The following CLSTN2 variants were observed in gnomAD, a reference collection of about 807,000 sequenced individuals.
CLSTN2 encodes the protein calsyntenin 2, also known as calsyntenin-2.
Under a neutral mutation model 101.2 loss-of-function variants are expected in CLSTN2, and 48 were observed. The ratio of observed to expected loss-of-function variants is 0.47; its 90% CI spans 0.38 to 0.60. The LOEUF (loss-of-function observed/expected upper bound fraction) is 0.60, where lower values mean the gene tolerates loss of function less well. CLSTN2 is among the 20% of genes least tolerant of loss of function. The pLI is 0.00. For missense variants in CLSTN2, 1,160 were observed against 1,238.2 expected (o/e 0.94, Z 0.95); for synonymous variants, 481 against 463.6 (o/e 1.04, Z -0.48).
intron 1 of CLSTN2, among the ~76,000 whole-genome samples, chr3:140,163,447 C>CAT (rs2010084009): frequency 6.6e-6 from 1 of 151,852 alleles, no homozygotes; most frequent in Non-Finnish European, 1.5e-5. Context: ...CACACACACA[C>CAT]ACAGATGTAG....
intron 2 of CLSTN2, among the ~76,000 whole-genome samples, chr3:140,347,568 T>C (rs2087561704): frequency 6.6e-6 from 1 of 152,256 alleles, no homozygotes; most frequent in African/African-American, 2.4e-5. Flanking sequence ...AGATAAGGCC[T>C]CAGTGGATTA....
intron 2 of CLSTN2, among the ~76,000 whole-genome samples, chr3:140,317,819 C>A (rs1259435169): frequency 2.0e-5 from 3 of 152,194 alleles, no homozygotes; most frequent in African/African-American, 7.2e-5. Flanking sequence ...GTGCCTCCCC[C>A]AGTTTTGTAA....
At chr3:140,556,757 T>C in intron 11 of CLSTN2, 96 bp downstream of exon 11, 1 of 1,258,406 alleles carries the variant, frequency 7.9e-7, no homozygotes, top group Non-Finnish European at 1.1e-6. Context: ...AAAACAGGAG[T>C]TGCCTTTCGT....
At chr3:140,253,699 C>A (rs575108166) in intron 2 of CLSTN2, among the ~76,000 whole-genome samples, 3 of 152,236 alleles carry the variant, frequency 2.0e-5, no homozygotes, top group African/African-American at 7.2e-5. Context: ...GGGCCTAATT[C>A]TGTTAATTAT....
intron 1 of CLSTN2, among the ~76,000 whole-genome samples, chr3:139,997,062 A>AAAG (rs1553788985): frequency 2.7e-5 from 4 of 148,662 alleles, no homozygotes; most frequent in Admixed American, 6.8e-5. Flanking sequence ...AAAAAAAAAA[A>AAAG]AAAAGAAAAG....
intron 2 of CLSTN2, among the ~76,000 whole-genome samples, chr3:140,376,648 C>T (rs958514432): frequency 4.6e-5 from 7 of 152,162 alleles, no homozygotes; most frequent in Admixed American, 4.6e-4. Flanking sequence ...GCATAGGGTT[C>T]CTGTGAGGAG....
At chr3:139,976,028 T>C (rs1307341741) in intron 1 of CLSTN2, among the ~76,000 whole-genome samples, 1 of 152,226 alleles carries the variant, frequency 6.6e-6, no homozygotes, top group Non-Finnish European at 1.5e-5. Flanking sequence ...ATCAAAAGAC[T>C]GAAAAATACA....
At chr3:140,130,842 C>A (rs2009511054) in intron 1 of CLSTN2, among the ~76,000 whole-genome samples, 1 of 152,094 alleles carries the variant, frequency 6.6e-6, no homozygotes, top group Non-Finnish European at 1.5e-5. Flanking sequence ...AATTTTGTAA[C>A]CCAATTCAGA....
At chr3:139,999,322 T>C (rs2107746773) in intron 1 of CLSTN2, among the ~76,000 whole-genome samples, 1 of 151,772 alleles carries the variant, frequency 6.6e-6, no homozygotes, top group Non-Finnish European at 1.5e-5. Flanking sequence ...GTGTGCTCAG[T>C]GTTTGGCTCC....
Position 140,532,222 on chromosome 3 carries a change from G to A in CLSTN2, c.1345-102G>A. The A allele has an allele frequency of 4.4e-6, 4 of 904,342 alleles. No individual in the cohort carries two copies. In the South Asian group the frequency reaches 6.7e-5, roughly 15 times the overall value. The allele number at this position is 904,342 out of a possible 1,614,324, so 56.0% of individuals were successfully genotyped here. On this transcript the variant is annotated intron_variant, in intron 8 of 16. Coordinates refer to ENST00000458420, the MANE Select transcript of CLSTN2 (RefSeq NM_022131.3). Reference sequence around the variant, plus strand: ...CCTTGAGTGCTTTGCAATAAAAATTGTTGACCCAAAAATGTGTTGTTCTCC... The same window carrying A: ...CCTTGAGTGCTTTGCAATAAAAATTATTGACCCAAAAATGTGTTGTTCTCC...
chr3:140,387,386 A>T (rs2088064806), intron 2 of CLSTN2, among the ~76,000 whole-genome samples: 1 of 152,234 alleles, frequency 6.6e-6, no homozygotes, highest in African/African-American at 2.4e-5. Flanking sequence ...TTGGCAACAA[A>T]GGCTACTGGT....
At chr3:140,168,992 T>C (rs2010174452) in intron 1 of CLSTN2, among the ~76,000 whole-genome samples, 1 of 152,140 alleles carries the variant, frequency 6.6e-6, no homozygotes, top group Non-Finnish European at 1.5e-5. Flanking sequence ...TTTTCATTTA[T>C]ATGTACATCT....
intron 8 of CLSTN2, among the ~76,000 whole-genome samples, chr3:140,487,743 A>C (rs1934268325): frequency 6.6e-6 from 1 of 152,248 alleles, no homozygotes; most frequent in Admixed American, 6.5e-5. Context: ...CTGCCCTGGA[A>C]GTGGAGAGCT....
intron 2 of CLSTN2, among the ~76,000 whole-genome samples, chr3:140,354,341 G>C (rs2087642160): frequency 6.6e-6 from 1 of 152,114 alleles, no homozygotes; most frequent in Non-Finnish European, 1.5e-5. Flanking sequence ...TACATATAAT[G>C]GTTAAAGACA....
At chr3:139,965,069 T>C (rs906433893) in intron 1 of CLSTN2, among the ~76,000 whole-genome samples, 5 of 152,248 alleles carry the variant, frequency 3.3e-5, no homozygotes, top group Non-Finnish European at 7.3e-5. Context: ...AATGTGCTTT[T>C]GATTTTCATG....
chr3:140,461,919 A>T (rs1451191550), intron 7 of CLSTN2, among the ~76,000 whole-genome samples: 1 of 151,828 alleles, frequency 6.6e-6, no homozygotes, highest in Non-Finnish European at 1.5e-5. Flanking sequence ...AAAAAAATCT[A>T]TAAATACCCC....
At chr3:139,964,429 T>C (rs545539770) in intron 1 of CLSTN2, among the ~76,000 whole-genome samples, 13 of 152,086 alleles carry the variant, frequency 8.5e-5, no homozygotes, top group Non-Finnish European at 1.5e-4. Flanking sequence ...TACATGATGA[T>C]ATAAAGTAGG....
chr3:140,065,983 A>G (rs1409151926), intron 1 of CLSTN2, among the ~76,000 whole-genome samples: 1 of 152,242 alleles, frequency 6.6e-6, no homozygotes, highest in African/African-American at 2.4e-5. Context: ...ACTACCCCAT[A>G]TAACATTCAC....
intron 2 of CLSTN2, among the ~76,000 whole-genome samples, chr3:140,401,919 A>G (rs993692): frequency 0.6 from 91,342 of 152,026 alleles, 28,458 homozygotes; most frequent in South Asian, 0.75. Context: ...TAGTGATCCC[A>G]AAAAACGGAA....
Sources: allele counts gnomAD v4.1 joint callset (sites outside exome capture counted in the v4.1 genomes callset), GRCh38; gene constraint gnomAD v4.1.1; transcripts MANE v1.5; gene names NCBI Gene and HGNC (gene_info 2026-07-23, HGNC 2026-07-21).